The following SLC2A13 variants were observed in gnomAD, a reference collection of about 807,000 sequenced individuals.
SLC2A13 encodes the protein proton myo-inositol cotransporter.
In SLC2A13, 32 loss-of-function variants were observed where a neutral mutation model predicts 64.4. The ratio of observed to expected loss-of-function variants is 0.50; its 90% CI spans 0.37 to 0.67. SLC2A13 has a LOEUF of 0.67. SLC2A13 is among the 30% of genes least tolerant of loss of function. The pLI is 0.00. For missense variants in SLC2A13, 743 were observed against 829.2 expected (o/e 0.90, Z 1.28); for synonymous variants, 338 against 327.1 (o/e 1.03, Z -0.36).
rs543034194 is a variant in SLC2A13, at chr12:39,880,682, C to A, written c.1035-8721G>T. 2.6e-5 allele frequency among the ~76,000 whole-genome samples: 4 copies of A among 152,242 alleles called. No homozygotes were observed. The East Asian group carries it at 7.7e-4, about 29-fold the overall frequency. The stretch of plus-strand genomic sequence containing the variant: ...CAAAGAAGAAAATGTGCCAATGGAA[C>A]TTATAAGGGATTTCTACATATGCCA... On this transcript the variant is annotated intron_variant, in intron 4 of 9. Transcript: ENST00000280871.
intron 7 of SLC2A13, among the ~76,000 whole-genome samples, chr12:39,766,857 G>T (rs1251649033): frequency 6.6e-6 from 1 of 151,958 alleles, no homozygotes; most frequent in Non-Finnish European, 1.5e-5. Flanking sequence ...ACATCTTTAG[G>T]CTTCGCTTCT....
intron 1 of SLC2A13, among the ~76,000 whole-genome samples, chr12:40,085,016 G>T (rs1425345520): frequency 6.6e-6 from 1 of 152,180 alleles, no homozygotes; most frequent in East Asian, 1.9e-4. Flanking sequence ...TTATGCCTAG[G>T]TAATGATATA....
At chr12:39,931,079 C>T (rs1410284964) in intron 4 of SLC2A13, among the ~76,000 whole-genome samples, 20 of 152,106 alleles carry the variant, frequency 1.3e-4, no homozygotes, top group Admixed American at 1.2e-3. Context: ...TGAGAAGCCC[C>T]AGTCATTTCA....
intron 4 of SLC2A13, among the ~76,000 whole-genome samples, chr12:39,939,517 C>T (rs533113494): frequency 6.6e-6 from 1 of 152,276 alleles, no homozygotes; most frequent in Admixed American, 6.5e-5. Context: ...AGGGCTTGAG[C>T]CTACTCCTAC....
chr12:39,816,457 C>A (rs974534185), intron 7 of SLC2A13, among the ~76,000 whole-genome samples: 1 of 149,394 alleles, frequency 6.7e-6, no homozygotes, highest in East Asian at 2.0e-4. Flanking sequence ...GGAGGGATAG[C>A]ATTAGGAGAT....
At chr12:40,023,856 G>A (rs1565594303) in intron 3 of SLC2A13, among the ~76,000 whole-genome samples, 1 of 152,124 alleles carries the variant, frequency 6.6e-6, no homozygotes, top group African/African-American at 2.4e-5. Flanking sequence ...GCCAATGAAT[G>A]AAAACTGGAA....
At chr12:39,889,189 TC>T (rs1944540427) in intron 4 of SLC2A13, among the ~76,000 whole-genome samples, 1 of 152,136 alleles carries the variant, frequency 6.6e-6, no homozygotes, top group Non-Finnish European at 1.5e-5. Context: ...TTTCTGCAGA[TC>T]ATATATATCT....
rs187006350 is a variant in SLC2A13 at position 39,929,840 on chromosome 12, C to T, written c.1034+21417G>A. On this transcript the variant is annotated intron_variant, in intron 4 of 9. Coordinates refer to ENST00000280871, the MANE Select transcript of SLC2A13 (RefSeq NM_052885.4). ...TGAACACTGAGCAAGTTAAAGAATGCGGCACTTGGGCTGGGTGTGGTGGCT... is the reference window on the plus strand; with the variant it reads ...TGAACACTGAGCAAGTTAAAGAATGTGGCACTTGGGCTGGGTGTGGTGGCT... Among the ~76,000 whole-genome samples the T allele has an allele frequency of 5.9e-5, 9 of 152,080 alleles. No individual in the cohort carries two copies. In the East Asian group the frequency reaches 7.8e-4, roughly 13 times the overall value.
chr12:40,058,042 C>CAGAT (rs10534370), intron 1 of SLC2A13, among the ~76,000 whole-genome samples: 18,651 of 145,114 alleles, frequency 0.13, 1,335 homozygotes, highest in African/African-American at 0.18. Context: ...AATTTCTCTC[C>CAGAT]AGATAGATAG....
At chr12:40,036,026 A>T (rs989171940) in intron 2 of SLC2A13, among the ~76,000 whole-genome samples, 18 of 152,100 alleles carry the variant, frequency 1.2e-4, no homozygotes, top group Non-Finnish European at 2.2e-4. Context: ...TTTCCCCCCA[A>T]ACTCTGAGAA....
chr12:39,826,100 T>G (rs556409797), intron 7 of SLC2A13, among the ~76,000 whole-genome samples: 11 of 152,276 alleles, frequency 7.2e-5, no homozygotes, highest in African/African-American at 2.4e-4. Context: ...TATCTATACA[T>G]TTATATAAGC....
chr12:40,104,322 G>A (rs1402466322), intron 1 of SLC2A13, among the ~76,000 whole-genome samples: 1 of 152,180 alleles, frequency 6.6e-6, no homozygotes, highest in African/African-American at 2.4e-5. Flanking sequence ...ATAATACAGA[G>A]CACATTCCAA....
chr12:39,871,370 T>C (rs1000253575), intron 5 of SLC2A13, among the ~76,000 whole-genome samples: 2 of 105,884 alleles, frequency 1.9e-5, no homozygotes, highest in Non-Finnish European at 3.8e-5. Flanking sequence ...ATTCCACTGC[T>C]GAAAGAGCTT....
intron 3 of SLC2A13, among the ~76,000 whole-genome samples, chr12:40,001,088 C>T (rs1947315157): frequency 6.6e-6 from 1 of 152,226 alleles, no homozygotes; most frequent in Non-Finnish European, 1.5e-5. Context: ...ACCAAGCAAA[C>T]AGGAGTCTCC....
intron 3 of SLC2A13, among the ~76,000 whole-genome samples, chr12:39,984,237 A>C (rs1051543310): frequency 6.6e-6 from 1 of 151,928 alleles, no homozygotes; most frequent in Non-Finnish European, 1.5e-5. Flanking sequence ...CTAGATGACG[A>C]GTTAGTGGGT....
intron 7 of SLC2A13, among the ~76,000 whole-genome samples, chr12:39,809,613 G>A (rs769049491): frequency 3.0e-4 from 45 of 152,004 alleles, no homozygotes; most frequent in Non-Finnish European, 5.7e-4. Flanking sequence ...CCATTAACTC[G>A]TCATTTAGCA....
At chr12:39,813,504 G>A (rs1198246720) in intron 7 of SLC2A13, among the ~76,000 whole-genome samples, 1 of 152,136 alleles carries the variant, frequency 6.6e-6, no homozygotes, top group Non-Finnish European at 1.5e-5. Context: ...ATTTCAGTAT[G>A]TATCTCTGCA....
chr12:40,061,783 T>C (rs1948427939), intron 1 of SLC2A13, among the ~76,000 whole-genome samples: 1 of 151,576 alleles, frequency 6.6e-6, no homozygotes, highest in Non-Finnish European at 1.5e-5. Flanking sequence ...CAAATGAGTT[T>C]GTGGGGGTTT....
At chr12:39,934,334 T>C (rs10506139) in intron 4 of SLC2A13, among the ~76,000 whole-genome samples, 5,338 of 152,254 alleles carry the variant, frequency 0.035, 153 homozygotes, top group East Asian at 0.094. Flanking sequence ...ATGGTGAAAG[T>C]TCTAAGTAGA....
Sources: allele counts gnomAD v4.1 joint callset (sites outside exome capture counted in the v4.1 genomes callset), GRCh38; gene constraint gnomAD v4.1.1; transcripts MANE v1.5; gene names NCBI Gene and HGNC (gene_info 2026-07-23, HGNC 2026-07-21).